The following RANBP2 variants were observed in gnomAD, a reference collection of about 807,000 sequenced individuals.
RANBP2 encodes E3 SUMO-protein ligase RanBP2.
In RANBP2, 57 loss-of-function variants were observed where a neutral mutation model predicts 303.6. The ratio of observed to expected loss-of-function variants is 0.19; its 90% CI spans 0.15 to 0.23. The LOEUF (loss-of-function observed/expected upper bound fraction) is 0.23, where lower values mean the gene tolerates loss of function less well. Ranked by LOEUF, RANBP2 falls within the 10% of genes least tolerant of loss-of-function variation. The pLI is 1.00. For missense variants in RANBP2, 3,138 were observed against 3,780.8 expected, an observed-to-expected ratio of 0.83 and a Z score of 4.46; for synonymous variants, 1,167 against 1,301.5, an observed-to-expected ratio of 0.90 and a Z score of 2.23.
the RANBP2 span, among the ~76,000 whole-genome samples, chr2:108,962,241 C>T: frequency 6.6e-6 from 1 of 152,192 alleles, no homozygotes; most frequent in Non-Finnish European, 1.5e-5. Flanking sequence ...GCCTTTCACA[C>T]ATGTGAACCA....
At chr2:109,331,297 A>G in the RANBP2 span, among the ~76,000 whole-genome samples, 272 of 152,222 alleles carry the variant, frequency 1.8e-3, 2 homozygotes, top group Non-Finnish European at 2.8e-3. Context: ...GGAATTGGCC[A>G]TCAAATGAGT....
chr2:109,557,027 G>A, the RANBP2 span, among the ~76,000 whole-genome samples: 15 of 152,104 alleles, frequency 9.9e-5, no homozygotes, highest in Non-Finnish European at 1.8e-4. Flanking sequence ...GTTGTGGGGT[G>A]GGGAGAGGCG....
At chr2:109,652,227 G>GTT in the RANBP2 span, among the ~76,000 whole-genome samples, 4,667 of 144,274 alleles carry the variant, frequency 0.032, 240 homozygotes, top group African/African-American at 0.11. Flanking sequence ...ATTTTTGTTT[G>GTT]TTTTTTTTTT....
At chr2:109,289,104 C>T in the RANBP2 span, among the ~76,000 whole-genome samples, 34 of 152,280 alleles carry the variant, frequency 2.2e-4, no homozygotes, top group South Asian at 6.8e-3. Context: ...TAAAGCTGAA[C>T]TGGATTTTCC....
the RANBP2 span, among the ~76,000 whole-genome samples, chr2:109,748,639 G>A: frequency 2.2e-5 from 3 of 135,796 alleles, no homozygotes; most frequent in South Asian, 2.6e-4. Flanking sequence ...TTGGGAGGCC[G>A]AGGCGGGCGG....
the RANBP2 span, among the ~76,000 whole-genome samples, chr2:109,122,956 C>T: frequency 6.6e-6 from 1 of 152,228 alleles, no homozygotes; most frequent in Non-Finnish European, 1.5e-5. Context: ...TAATTCCTCT[C>T]ACCTCAAGTT....
chr2:109,429,712 A>T, the RANBP2 span, among the ~76,000 whole-genome samples: 8 of 152,124 alleles, frequency 5.3e-5, no homozygotes, highest in African/African-American at 1.9e-4. Context: ...ATGCGTGACC[A>T]TGGACAGAAG....
chr2:109,620,519 T>C, the RANBP2 span, among the ~76,000 whole-genome samples: 1 of 152,150 alleles, frequency 6.6e-6, no homozygotes, highest in Non-Finnish European at 1.5e-5. Flanking sequence ...CTGGCCAACA[T>C]GGTGAAACCC....
At chr2:109,691,635 C>T in the RANBP2 span, among the ~76,000 whole-genome samples, 1 of 152,050 alleles carries the variant, frequency 6.6e-6, no homozygotes, top group Admixed American at 6.6e-5. Context: ...TTCCTTCTGC[C>T]CCCAGAAGGG....
chr2:109,604,406 AAAAG>A, the RANBP2 span, among the ~76,000 whole-genome samples: 2 of 64,514 alleles, frequency 3.1e-5, no homozygotes, highest in East Asian at 1.0e-3. Flanking sequence ...GGGCGGGGAG[AAAAG>A]AAAGAAAGAA....
the RANBP2 span, chr2:109,251,681 C>T: frequency 1.7e-6 from 2 of 1,199,542 alleles, no homozygotes; most frequent in Non-Finnish European, 2.5e-6. Flanking sequence ...AACCCATGTC[C>T]TCTCTTCATA....
the RANBP2 span, among the ~76,000 whole-genome samples, chr2:109,578,863 A>G: frequency 2.0e-5 from 3 of 152,224 alleles, no homozygotes; most frequent in African/African-American, 7.2e-5. Context: ...GTAGTTTATA[A>G]TACTAAATGC....
At chr2:109,587,581 T>C in the RANBP2 span, among the ~76,000 whole-genome samples, 1 of 152,096 alleles carries the variant, frequency 6.6e-6, no homozygotes, top group Admixed American at 6.6e-5. Context: ...GGAACTCACA[T>C]CTAGGGACAT....
the RANBP2 span, chr2:108,911,144 C>A: frequency 1.9e-6 from 3 of 1,584,494 alleles, no homozygotes; most frequent in Admixed American, 3.3e-5. Context: ...AGGACTCCGG[C>A]CCCTGGAAGC....
At chr2:109,296,531 T>C in the RANBP2 span, among the ~76,000 whole-genome samples, 1 of 152,170 alleles carries the variant, frequency 6.6e-6, no homozygotes, top group Non-Finnish European at 1.5e-5. Context: ...TGTGAGCCTC[T>C]GTGCCCAGCC....
chr2:109,382,622 G>A, the RANBP2 span, among the ~76,000 whole-genome samples: 20 of 152,076 alleles, frequency 1.3e-4, no homozygotes, highest in South Asian at 2.1e-4. Flanking sequence ...TTGGAACACC[G>A]AGCCCTGTCA....
the RANBP2 span, among the ~76,000 whole-genome samples, chr2:109,289,921 G>C: frequency 1.3e-5 from 2 of 152,168 alleles, no homozygotes; most frequent in African/African-American, 2.4e-5. Context: ...TCTGCTTCTA[G>C]TTCTTAAATC....
chr2:109,681,447 T>A, the RANBP2 span, among the ~76,000 whole-genome samples: 2 of 152,220 alleles, frequency 1.3e-5, no homozygotes, highest in Non-Finnish European at 2.9e-5. Flanking sequence ...GGCAGGATTA[T>A]GAAGATATCT....
the RANBP2 span, among the ~76,000 whole-genome samples, chr2:109,609,600 A>G: frequency 7.1e-6 from 1 of 140,730 alleles, no homozygotes; most frequent in African/African-American, 2.7e-5. Flanking sequence ...TGGGTGACAG[A>G]GCAAGACTCC....
Sources: gnomAD v4.1 joint callset for allele counts (sites outside exome capture counted in the v4.1 genomes callset) on GRCh38, gnomAD v4.1.1 for gene constraint, MANE v1.5 for transcripts, NCBI Gene and HGNC (gene_info 2026-07-23, HGNC 2026-07-21) for gene names.